The following CAB39L variants were observed in gnomAD, a reference collection of about 807,000 sequenced individuals.
The protein encoded by CAB39L is calcium-binding protein 39-like.
CAB39L carries 23 observed loss-of-function variants against 39.1 expected under a neutral mutation model. The ratio of observed to expected loss-of-function variants is 0.59; its 90% CI spans 0.42 to 0.83. The LOEUF (loss-of-function observed/expected upper bound fraction) is 0.83. Ranked by LOEUF, CAB39L falls within the 40% of genes least tolerant of loss-of-function variation. CAB39L has a pLI of 0.00. For missense variants in CAB39L, 366 were observed against 391.9 expected (o/e 0.93, Z 0.56); for synonymous variants, 126 against 137.2 (o/e 0.92, Z 0.57).
At chr13:49,354,814 G>A (rs919293050) in intron 6 of CAB39L, among the ~76,000 whole-genome samples, 3 of 152,140 alleles carry the variant, frequency 2.0e-5, no homozygotes, top group Admixed American at 1.3e-4. Context: ...AAGCCAAAAT[G>A]TAAGAGCAAT....
intron 1 of CAB39L, among the ~76,000 whole-genome samples, chr13:49,440,867 T>C (rs186086397): frequency 6.6e-6 from 1 of 152,056 alleles, no homozygotes; most frequent in Non-Finnish European, 1.5e-5. Context: ...TGAAACTTAC[T>C]GAAGTTATCA....
chr13:49,359,254 C>T (rs957908054), intron 6 of CAB39L, among the ~76,000 whole-genome samples: 2 of 152,100 alleles, frequency 1.3e-5, no homozygotes, highest in Non-Finnish European at 2.9e-5. Flanking sequence ...TATGGCTTCC[C>T]TATAGACCCA....
At chr13:49,347,991 T>G (rs983773508) in intron 7 of CAB39L, among the ~76,000 whole-genome samples, 2 of 152,084 alleles carry the variant, frequency 1.3e-5, no homozygotes, top group Non-Finnish European at 2.9e-5. Context: ...CTTCTTTTCC[T>G]TGCCCTTTTC....
chr13:49,366,645 A>C (rs1202096021), intron 5 of CAB39L, among the ~76,000 whole-genome samples: 9 of 150,672 alleles, frequency 6.0e-5, no homozygotes, highest in Non-Finnish European at 1.2e-4. Flanking sequence ...AAAAAAAAAA[A>C]AAAACCCATG....
intron 7 of CAB39L, 37 bp from the exon 8 acceptor site, chr13:49,344,275 T>A: frequency 8.8e-7 from 1 of 1,142,154 alleles, no homozygotes; most frequent in East Asian, 2.3e-5. Context: ...AAAACTGTTA[T>A]AGCTATTAAT....
intron 3 of CAB39L, among the ~76,000 whole-genome samples, chr13:49,400,556 C>A (rs1316272824): frequency 2.0e-5 from 3 of 151,736 alleles, no homozygotes; most frequent in Non-Finnish European, 4.4e-5. Context: ...AAAATAACTG[C>A]TTTATTCCTT....
intron 10 of CAB39L, among the ~76,000 whole-genome samples, chr13:49,326,187 G>C (rs934107080): frequency 6.6e-6 from 1 of 152,164 alleles, no homozygotes; most frequent in Non-Finnish European, 1.5e-5. Context: ...AGGTTAACAG[G>C]GAAAGGAAAG....
chr13:49,415,439 T>C (rs1009633726), intron 3 of CAB39L, among the ~76,000 whole-genome samples: 2 of 147,692 alleles, frequency 1.4e-5, no homozygotes, highest in Admixed American at 1.4e-4. Flanking sequence ...GAGAATCACT[T>C]GAATCTGGGA....
At position 49,332,094 on chromosome 13, in the gene CAB39L, G is replaced by C; in HGVS notation, c.691-4C>G. 6.2e-7 allele frequency: 1 copy of C among 1,613,222 alleles called. No homozygotes were observed. Among genetic ancestry groups the C allele is most frequent in the Non-Finnish European group, 8.5e-7 (1 of 1,179,442 alleles). On this transcript the variant is annotated splice_region_variant and splice_polypyrimidine_tract_variant and intron_variant, in intron 9 of 10. Transcript: ENST00000409308. ...CCAGGATCAGCTCCCCTAGCAGCTA[G>C]AGGAAAACACAAAACCAAAGCTGTA...
At chr13:49,405,006 G>T (rs1228043141) in intron 3 of CAB39L, among the ~76,000 whole-genome samples, 1 of 152,150 alleles carries the variant, frequency 6.6e-6, no homozygotes, top group Non-Finnish European at 1.5e-5. Flanking sequence ...TCGGGGTAGA[G>T]AGTTTATTCA....
In CAB39L at chr13:49,386,325, C is replaced by T. The variant is rs114587553; in HGVS notation, c.-31-3384G>A. On this transcript the variant is annotated intron_variant, in intron 3 of 10. Transcript: ENST00000409308. ...TTTCTGATTCACTATCTCCCCTTTT[C>T]ATCTGATGGTGGGTTTGTTCATTTA... Among the ~76,000 whole-genome samples the T allele has an allele frequency of 7.4e-3, 1,128 of 152,248 alleles. 14 individuals carry two copies. The highest frequency in any genetic ancestry group is 0.025 in the African/African-American group (1,033 of 41,550).
At chr13:49,411,471 T>C (rs2138685858) in intron 3 of CAB39L, among the ~76,000 whole-genome samples, 1 of 151,806 alleles carries the variant, frequency 6.6e-6, no homozygotes, top group East Asian at 1.9e-4. Flanking sequence ...CTCCCCAAGA[T>C]TAAGCACTAT....
intron 3 of CAB39L, among the ~76,000 whole-genome samples, chr13:49,432,813 G>A (rs192007759): frequency 2.0e-5 from 3 of 152,246 alleles, no homozygotes; most frequent in East Asian, 1.9e-4. Context: ...AGAATTATTA[G>A]GGAAGATTTT....
intron 10 of CAB39L, among the ~76,000 whole-genome samples, chr13:49,330,803 A>T (rs979645737): frequency 4.6e-5 from 7 of 151,728 alleles, no homozygotes; most frequent in African/African-American, 1.7e-4. Flanking sequence ...CTTAAATATT[A>T]AAAAAATTAG....
At chr13:49,438,900 T>C (rs1957458767) in intron 1 of CAB39L, among the ~76,000 whole-genome samples, 1 of 152,202 alleles carries the variant, frequency 6.6e-6, no homozygotes, top group Non-Finnish European at 1.5e-5. Context: ...TTTGTTTTAC[T>C]GTAGTAAAAT....
At chr13:49,419,260 T>C (rs1957134188) in intron 3 of CAB39L, among the ~76,000 whole-genome samples, 2 of 152,196 alleles carry the variant, frequency 1.3e-5, no homozygotes, top group Admixed American at 6.5e-5. Context: ...GAACCACCCT[T>C]AGTCATCAAA....
intron 3 of CAB39L, among the ~76,000 whole-genome samples, chr13:49,414,392 A>G (rs1957046285): frequency 6.6e-6 from 1 of 152,228 alleles, no homozygotes; most frequent in South Asian, 2.1e-4. Flanking sequence ...GCTTTTTAAC[A>G]TATCAATTCT....
chr13:49,391,925 C>T (rs1319497092), intron 3 of CAB39L, among the ~76,000 whole-genome samples: 1 of 148,332 alleles, frequency 6.7e-6, no homozygotes. Flanking sequence ...AAAACCAAGA[C>T]TCTCAAACTC....
At chr13:49,317,655 A>C (rs181008552) in intron 10 of CAB39L, among the ~76,000 whole-genome samples, 1 of 152,362 alleles carries the variant, frequency 6.6e-6, no homozygotes, top group East Asian at 1.9e-4. Context: ...CCTAAATATA[A>C]GAGCTAAAAT....
Sources: allele counts gnomAD v4.1 joint callset (sites outside exome capture counted in the v4.1 genomes callset), GRCh38; gene constraint gnomAD v4.1.1; transcripts MANE v1.5; gene names NCBI Gene and HGNC (gene_info 2026-07-23, HGNC 2026-07-21).